Variants in CDYL observed in about 807,000 individuals in gnomAD.
The protein encoded by CDYL is chromodomain Y like, also known as chromodomain Y-like protein.
Under a neutral mutation model 47.3 loss-of-function variants are expected in CDYL, and 8 were observed. The observed-to-expected ratio is 0.17, with a 90% CI of 0.10 to 0.31. CDYL has a LOEUF of 0.31. Among genes scored for constraint, CDYL ranks in the 10% least tolerant of loss-of-function variants. CDYL has a pLI of 1.00. For missense variants in CDYL, 471 were observed against 701.4 expected, an observed-to-expected ratio of 0.67 and a Z score of 3.71; for synonymous variants, 266 against 265.0, an observed-to-expected ratio of 1.00 and a Z score of -0.04.
chr6:4,849,372 T>C (rs182666987), intron 1 of CDYL, among the ~76,000 whole-genome samples: 15 of 152,316 alleles, frequency 9.8e-5, no homozygotes, highest in African/African-American at 3.6e-4. Context: ...TATGAAAACA[T>C]ACCTTAATGA....
At position 4,894,904 on chromosome 6, in the gene CDYL, T is replaced by C. The variant is rs542569916; in HGVS notation, c.691+2525T>C. On this transcript the variant is annotated intron_variant, in intron 2 of 6. Transcript: ENST00000397588. Reference sequence around the variant, plus strand: ...GTATGTGTGTGTATATATACACACGTACGTGTGTATATATACACATATGTA... The same window carrying C: ...GTATGTGTGTGTATATATACACACGCACGTGTGTATATATACACATATGTA... 2.8e-5 allele frequency among the ~76,000 whole-genome samples: 4 copies of C among 145,160 alleles called. No homozygotes were observed. The South Asian group carries it at 8.3e-4, about 30-fold the overall frequency.
chr6:4,759,004 G>A (rs1208970576), intron 3 of CDYL, among the ~76,000 whole-genome samples: 1 of 121,470 alleles, frequency 8.2e-6, no homozygotes, highest in South Asian at 2.5e-4. Context: ...GTCTCGTTCT[G>A]TCTCCCAGGC....
chr6:4,783,553 A>G (rs1758675534), intron 1 of CDYL, among the ~76,000 whole-genome samples: 1 of 151,388 alleles, frequency 6.6e-6, no homozygotes, highest in African/African-American at 2.4e-5. Context: ...AGTAGCTGGG[A>G]TTATGGGCAT....
chr6:4,835,890 G>A (rs1466062331), intron 1 of CDYL, among the ~76,000 whole-genome samples: 1 of 152,210 alleles, frequency 6.6e-6, no homozygotes, highest in African/African-American at 2.4e-5. Flanking sequence ...GCCAGGTGCG[G>A]GATATAATCT....
At chr6:4,775,764 C>T (rs1408029301), upstream of CDYL, among the ~76,000 whole-genome samples, 2 of 148,606 alleles carry the variant, frequency 1.3e-5, no homozygotes, top group South Asian at 2.1e-4. The surrounding 1 kb of genome is among the most constrained non-coding windows in gnomAD (Gnocchi z 7.0). Flanking sequence ...TGGCGGCGGC[C>T]GGTGGGGCGG....
At chr6:4,833,313 C>T (rs1394520283) in intron 1 of CDYL, among the ~76,000 whole-genome samples, 1 of 149,782 alleles carries the variant, frequency 6.7e-6, no homozygotes, top group Non-Finnish European at 1.5e-5. Flanking sequence ...TTTATTTCTG[C>T]CTTCATTTCG....
rs921005233 is a variant in CDYL at position 4,765,322 on chromosome 6, CA to C, written c.186+30489del. Among the ~76,000 whole-genome samples, 155 of 133,698 alleles carry C rather than the reference CA, an allele frequency of 1.2e-3. 3 individuals are homozygous for C. In the East Asian group the frequency reaches 0.02, roughly 17 times the overall value. The allele number at this position is 133,698 out of a possible 152,430, so 87.7% of individuals were successfully genotyped here. On this transcript the variant is annotated intron_variant, in intron 3 of 8. Coordinates refer to the CDYL transcript ENST00000328908. ...TTGGTGACAGAGGGAGACTTCGTCT[CA>C]AAAAAAAAAAGACAAATAAAAATAA... is the stretch of plus-strand genomic sequence containing the variant.
At chr6:4,944,007 A>G (rs910628087) in intron 5 of CDYL, among the ~76,000 whole-genome samples, 4 of 152,202 alleles carry the variant, frequency 2.6e-5, no homozygotes, top group African/African-American at 7.2e-5. Context: ...GTAAATACCC[A>G]ATCAGTAACC....
chr6:4,787,541 G>T (rs1276206972), intron 1 of CDYL, among the ~76,000 whole-genome samples: 1 of 152,178 alleles, frequency 6.6e-6, no homozygotes, highest in African/African-American at 2.4e-5. Flanking sequence ...ATGAGGTCCT[G>T]TGGAAGTGCG....
At chr6:4,922,310 G>A (rs372457164) in intron 2 of CDYL, among the ~76,000 whole-genome samples, 15 of 152,258 alleles carry the variant, frequency 9.9e-5, no homozygotes, top group East Asian at 9.7e-4. Flanking sequence ...CAGTATGATC[G>A]TTCACTGGGA....
intron 1 of CDYL, among the ~76,000 whole-genome samples, chr6:4,837,504 G>A (rs576073051): frequency 6.2e-5 from 9 of 144,350 alleles, no homozygotes; most frequent in East Asian, 2.0e-4. Context: ...TTGCTCTGTC[G>A]CCCAGGCTGG....
At chr6:4,717,997 C>G (rs1263715362) in intron 2 of CDYL, among the ~76,000 whole-genome samples, 1 of 151,958 alleles carries the variant, frequency 6.6e-6, no homozygotes, top group Non-Finnish European at 1.5e-5. Context: ...AGGCACATGC[C>G]ACCACACCCG....
chr6:4,777,484 T>TA (rs1288183523), intron 1 of CDYL, among the ~76,000 whole-genome samples: 1 of 152,212 alleles, frequency 6.6e-6, no homozygotes, highest in Non-Finnish European at 1.5e-5. Flanking sequence ...GTTTGAGAGT[T>TA]ACCAATTTGG....
At chr6:4,832,939 T>C (rs1341204827) in intron 1 of CDYL, among the ~76,000 whole-genome samples, 5 of 152,104 alleles carry the variant, frequency 3.3e-5, no homozygotes, top group Non-Finnish European at 7.4e-5. Flanking sequence ...TTATCATTTT[T>C]TATTGCGTCT....
chr6:4,894,955 A>G (rs1483948504), intron 2 of CDYL, among the ~76,000 whole-genome samples: 3 of 142,860 alleles, frequency 2.1e-5, no homozygotes, highest in South Asian at 2.1e-4. Context: ...ATGCATGTGT[A>G]TATATACGTA....
At chr6:4,785,318 T>C (rs1361814451) in intron 1 of CDYL, among the ~76,000 whole-genome samples, 1 of 152,244 alleles carries the variant, frequency 6.6e-6, no homozygotes, top group Non-Finnish European at 1.5e-5. Context: ...TAGTATACTT[T>C]CTTTTTTGTG....
chr6:4,759,272 C>T (rs1023327917), intron 3 of CDYL, among the ~76,000 whole-genome samples: 2 of 152,112 alleles, frequency 1.3e-5, no homozygotes, highest in Non-Finnish European at 2.9e-5. Context: ...CCCGGCCAAT[C>T]ACACAGTTTT....
At chr6:4,825,367 G>A (rs2179270) in intron 1 of CDYL, among the ~76,000 whole-genome samples, 32,802 of 152,046 alleles carry the variant, frequency 0.22, 5,104 homozygotes, top group African/African-American at 0.45. Context: ...TTGTGAATGA[G>A]TAGTGATAGT....
At chr6:4,775,038 G>T (rs1758399679), upstream of CDYL, among the ~76,000 whole-genome samples, 1 of 152,166 alleles carries the variant, frequency 6.6e-6, no homozygotes, top group Non-Finnish European at 1.5e-5. The surrounding 1 kb of genome is among the most constrained non-coding windows in gnomAD (Gnocchi z 7.0). Flanking sequence ...CGTGGTTGTT[G>T]AAACGCTGTT....
Sources: allele counts gnomAD v4.1 joint callset (sites outside exome capture counted in the v4.1 genomes callset), GRCh38; gene constraint gnomAD v4.1.1; non-coding constraint Gnocchi (gnomAD v3.1); transcripts MANE v1.5; gene names NCBI Gene and HGNC (gene_info 2026-07-23, HGNC 2026-07-21).